Variants in ASIC2 observed in about 807,000 individuals in gnomAD.
The protein encoded by ASIC2 is acid-sensing ion channel 2.
A neutral mutation model predicts 57.3 loss-of-function variants in ASIC2; 25 were observed. The ratio of observed to expected loss-of-function variants is 0.44; its 90% confidence interval spans 0.32 to 0.61. The LOEUF (loss-of-function observed/expected upper bound fraction) is 0.61. ASIC2 is among the 20% of genes least tolerant of loss of function. ASIC2 has a pLI of 0.06. For missense variants in ASIC2, 641 were observed against 738.1 expected (o/e 0.87, Z 1.52); for synonymous variants, 319 against 307.5 (o/e 1.04, Z -0.39).
intron 1 of ASIC2, among the ~76,000 whole-genome samples, chr17:33,462,549 C>T (rs921680420): frequency 6.6e-6 from 1 of 152,226 alleles, no homozygotes; most frequent in African/African-American, 2.4e-5. Flanking sequence ...CTAGACCTTC[C>T]ACCCATGTCT....
intron 1 of ASIC2, among the ~76,000 whole-genome samples, chr17:33,186,139 C>CTCGCTT: frequency 6.6e-6 from 1 of 151,904 alleles, no homozygotes; most frequent in East Asian, 1.9e-4. Context: ...GAGACAGAGT[C>CTCGCTT]TCGCTTTGTT....
intron 3 of ASIC2, among the ~76,000 whole-genome samples, chr17:33,040,800 T>C (rs915149809): frequency 5.9e-5 from 9 of 152,130 alleles, no homozygotes; most frequent in Non-Finnish European, 1.3e-4. Context: ...GGCTCTATCA[T>C]TGACAAGATA....
At chr17:33,789,862 C>A (rs1911715884) in intron 1 of ASIC2, among the ~76,000 whole-genome samples, 1 of 152,180 alleles carries the variant, frequency 6.6e-6, no homozygotes, top group Admixed American at 6.5e-5. Context: ...CCACCTAGCA[C>A]TGCAGTTCAC....
chr17:33,377,073 T>C (rs899788205), intron 1 of ASIC2, among the ~76,000 whole-genome samples: 1 of 152,068 alleles, frequency 6.6e-6, no homozygotes, highest in Non-Finnish European at 1.5e-5. Context: ...GGAGCGGAGA[T>C]GGAGTCATGC....
intron 1 of ASIC2, among the ~76,000 whole-genome samples, chr17:34,083,330 T>C (rs150557928): frequency 0.18 from 27,069 of 151,758 alleles, 3,046 homozygotes; most frequent in African/African-American, 0.32. Context: ...ATTTCATCCA[T>C]GTCCCTACAA....
At chr17:34,116,898 G>T (rs190383831) in intron 1 of ASIC2, among the ~76,000 whole-genome samples, 1 of 152,244 alleles carries the variant, frequency 6.6e-6, no homozygotes, top group East Asian at 1.9e-4. Flanking sequence ...GGGTGGGTGG[G>T]TGTGTACCAA....
intron 1 of ASIC2, among the ~76,000 whole-genome samples, chr17:33,395,940 C>A (rs2141955473): frequency 6.6e-6 from 1 of 152,250 alleles, no homozygotes. Context: ...GAATAAGCAC[C>A]TAATCATATA....
At chr17:33,441,660 C>T (rs1911826968) in intron 1 of ASIC2, among the ~76,000 whole-genome samples, 1 of 152,112 alleles carries the variant, frequency 6.6e-6, no homozygotes, top group Admixed American at 6.5e-5. Flanking sequence ...TTCAGTGGTG[C>T]CCTCTCTCTA....
chr17:33,640,733 G>A (rs578081098), intron 1 of ASIC2, among the ~76,000 whole-genome samples: 3 of 152,214 alleles, frequency 2.0e-5, no homozygotes, highest in East Asian at 3.9e-4. Context: ...CCATTCTGCG[G>A]TGTGGAGTCA....
intron 1 of ASIC2, among the ~76,000 whole-genome samples, chr17:33,430,177 G>T (rs957391247): frequency 1.3e-5 from 2 of 152,180 alleles, no homozygotes; most frequent in African/African-American, 2.4e-5. Context: ...CTTAGGCCAT[G>T]TTAAAACTGG....
At chr17:34,136,755 G>T (rs962329624) in intron 1 of ASIC2, among the ~76,000 whole-genome samples, 2 of 152,204 alleles carry the variant, frequency 1.3e-5, no homozygotes, top group Non-Finnish European at 2.9e-5. Context: ...ATGAGCCGTG[G>T]CCACTCATAT....
At chr17:34,127,638 T>C (rs918060084) in intron 1 of ASIC2, among the ~76,000 whole-genome samples, 52 of 152,148 alleles carry the variant, frequency 3.4e-4, no homozygotes, top group African/African-American at 1.3e-3. Flanking sequence ...ACACACTCTC[T>C]CCCTCAGTGG....
intron 1 of ASIC2, among the ~76,000 whole-genome samples, chr17:33,134,397 T>C (rs541020921): frequency 6.6e-6 from 1 of 152,170 alleles, no homozygotes; most frequent in African/African-American, 2.4e-5. Context: ...GGAGGACACT[T>C]TGGAGAGTGA....
chr17:34,055,400 GTCTT>G (rs1302909053), intron 1 of ASIC2, among the ~76,000 whole-genome samples: 1 of 152,016 alleles, frequency 6.6e-6, no homozygotes, highest in African/African-American at 2.4e-5. Flanking sequence ...CTTGTTTACT[GTCTT>G]TTTTACAGTT....
chr17:34,139,848 C>T (rs4795875), intron 1 of ASIC2, among the ~76,000 whole-genome samples: 112,433 of 152,026 alleles, frequency 0.74, 41,646 homozygotes, highest in South Asian at 0.85. Context: ...TTCAGAATGC[C>T]TTGAATGCAC....
intron 1 of ASIC2, among the ~76,000 whole-genome samples, chr17:33,280,818 C>A (rs1248896244): frequency 1.3e-5 from 2 of 152,188 alleles, no homozygotes; most frequent in Admixed American, 6.5e-5. Flanking sequence ...ACCTCATCTG[C>A]TTTCCTGAGC....
At chr17:33,992,793 C>T (rs932529478) in intron 1 of ASIC2, among the ~76,000 whole-genome samples, 1 of 152,168 alleles carries the variant, frequency 6.6e-6, no homozygotes, top group Non-Finnish European at 1.5e-5. Context: ...CACTGCCAAG[C>T]ATTTAGGATG....
At chr17:33,260,564 C>T (rs970397856) in intron 1 of ASIC2, among the ~76,000 whole-genome samples, 7 of 152,160 alleles carry the variant, frequency 4.6e-5, no homozygotes, top group African/African-American at 7.2e-5. Flanking sequence ...GCCAGGGGGG[C>T]GGGGAATACG....
At chr17:34,072,402 T>C (rs1462319571) in intron 1 of ASIC2, 1 of 152,192 alleles carries the variant, frequency 6.6e-6, no homozygotes, top group Non-Finnish European at 1.5e-5. Flanking sequence ...TATTTCCCCA[T>C]ATTTTATAGA....
Sources: allele counts gnomAD v4.1 joint callset (sites outside exome capture counted in the v4.1 genomes callset), GRCh38; gene constraint gnomAD v4.1.1; transcripts MANE v1.5; gene names NCBI Gene and HGNC (gene_info 2026-07-23, HGNC 2026-07-21).